Variants in SOX6 observed in about 807,000 individuals in gnomAD.
SOX6 encodes the protein transcription factor SOX-6.
Under a neutral mutation model 97.8 loss-of-function variants are expected in SOX6, and 11 were observed. The observed-to-expected ratio is 0.11, with a 90% CI of 0.07 to 0.19. SOX6 has a LOEUF of 0.19. Among genes scored for constraint, SOX6 ranks in the 10% least tolerant of loss-of-function variants. The pLI is 1.00. For missense variants in SOX6, 810 were observed against 1,039.5 expected, an observed-to-expected ratio of 0.78 and a Z score of 3.04; for synonymous variants, 360 against 371.4, an observed-to-expected ratio of 0.97 and a Z score of 0.35.
At chr11:16,278,360 T>G (rs1458843679) in intron 3 of SOX6, among the ~76,000 whole-genome samples, 11 of 152,150 alleles carry the variant, frequency 7.2e-5, no homozygotes. Flanking sequence ...CATAATTGCC[T>G]AATGAGTTTA....
chr11:16,112,906 T>C (rs1169146263), intron 6 of SOX6, among the ~76,000 whole-genome samples: 1 of 152,158 alleles, frequency 6.6e-6, no homozygotes, highest in African/African-American at 2.4e-5. Flanking sequence ...AAAACTAAGA[T>C]ATACCAAAAG....
chr11:16,092,069 C>A (rs1410156363), intron 9 of SOX6, among the ~76,000 whole-genome samples: 1 of 151,974 alleles, frequency 6.6e-6, no homozygotes, highest in Non-Finnish European at 1.5e-5. Flanking sequence ...GGAGGAATAA[C>A]TGCTGACAGT....
intron 1 of SOX6, among the ~76,000 whole-genome samples, chr11:16,395,989 T>A (rs1397539589): frequency 6.6e-6 from 1 of 151,808 alleles, no homozygotes; most frequent in Non-Finnish European, 1.5e-5. Context: ...CCCTTCCCTC[T>A]TCTTTCTCAG....
At position 16,206,948 on chromosome 11, in the gene SOX6, C is replaced by A. The variant is rs1054072409; in HGVS notation, c.536-19993G>T. On this transcript the variant is annotated intron_variant, in intron 4 of 15. Transcript: ENST00000683767. ...AACTAATAAAGTCCAGACTTTCCAACATGATATACATAGCACTTCATGATT... is the reference window on the plus strand; with the variant it reads ...AACTAATAAAGTCCAGACTTTCCAAAATGATATACATAGCACTTCATGATT... Among the ~76,000 whole-genome samples, 12 of 152,264 alleles carry A rather than the reference C, an allele frequency of 7.9e-5. 1 individual carries two copies. The South Asian group carries it at 2.1e-3, about 26-fold the overall frequency.
rs527445557 is a variant in SOX6 at position 16,124,660 on chromosome 11, G to GCT, written c.778-12739_778-12738dup. On this transcript the variant is annotated intron_variant, in intron 6 of 15. Transcript: ENST00000683767. Reference sequence around the variant, plus strand: ...GAGCATAGAGAGTGGTAGGGGAAAGGCTAGAAAGACAGGTGGAGATCAGGT... The same window carrying GCT: ...GAGCATAGAGAGTGGTAGGGGAAAGGCTCTAGAAAGACAGGTGGAGATCAGGT... Among the ~76,000 whole-genome samples the GCT allele has an allele frequency of 1.4e-4, 21 of 152,164 alleles. No homozygotes were observed. In the East Asian group the frequency reaches 2.9e-3, roughly 21 times the overall value.
intron 4 of SOX6, among the ~76,000 whole-genome samples, chr11:16,219,495 G>A (rs1229312071): frequency 6.6e-6 from 1 of 151,890 alleles, no homozygotes; most frequent in Non-Finnish European, 1.5e-5. Context: ...TTTTAATGCA[G>A]ACATTTGGAT....
At chr11:16,307,918 A>G (rs1192275851) in intron 3 of SOX6, among the ~76,000 whole-genome samples, 2 of 152,182 alleles carry the variant, frequency 1.3e-5, no homozygotes, top group Non-Finnish European at 2.9e-5. Context: ...CTGCACTCCC[A>G]ATGCTAGCGG....
At chr11:16,268,634 C>A (rs1436897781) in intron 3 of SOX6, among the ~76,000 whole-genome samples, 1 of 151,084 alleles carries the variant, frequency 6.6e-6, no homozygotes, top group Non-Finnish European at 1.5e-5. Context: ...TAATTCAACA[C>A]CCCTTTCTTA....
intron 12 of SOX6, among the ~76,000 whole-genome samples, chr11:16,022,201 C>T (rs374890956): frequency 1.3e-5 from 2 of 152,122 alleles, no homozygotes; most frequent in South Asian, 2.1e-4. Context: ...CTTAATGTTG[C>T]TAAGTATCTC....
intron 4 of SOX6, among the ~76,000 whole-genome samples, chr11:16,515,928 C>T (rs1190557009): frequency 6.7e-6 from 1 of 148,722 alleles, no homozygotes; most frequent in Non-Finnish European, 1.5e-5. Context: ...GGTACCAGTA[C>T]CATGCTGTTT....
At chr11:16,084,473 C>A (rs1848536821) in intron 9 of SOX6, among the ~76,000 whole-genome samples, 1 of 151,862 alleles carries the variant, frequency 6.6e-6, no homozygotes, top group Non-Finnish European at 1.5e-5. Flanking sequence ...GAGCATCTAC[C>A]ATGCAGCAGA....
At chr11:16,617,344 G>C (rs1848484382) in intron 3 of SOX6, among the ~76,000 whole-genome samples, 1 of 151,782 alleles carries the variant, frequency 6.6e-6, no homozygotes, top group Non-Finnish European at 1.5e-5. Flanking sequence ...TAGAATAGTA[G>C]GCTTTTGGGG....
intron 1 of SOX6, among the ~76,000 whole-genome samples, chr11:16,343,334 A>G (rs1856690006): frequency 6.6e-6 from 1 of 151,952 alleles, no homozygotes; most frequent in Non-Finnish European, 1.5e-5. Flanking sequence ...GTCATGATCC[A>G]AAAATCAGAG....
rs769093003 is a variant in SOX6, at chr11:16,097,693, C to T, written c.899-5G>A. ...ACTGTACGGGGTAGTTATCACCTGT[C>T]GGAAAGAACAATGCATACAGGTTTA... On this transcript the variant is annotated splice_polypyrimidine_tract_variant and splice_region_variant and intron_variant, in intron 7 of 15. Transcript: ENST00000683767. The T allele has an allele frequency of 6.8e-6, 11 of 1,609,980 alleles. No individual in the cohort carries two copies. The highest frequency in any genetic ancestry group is 3.3e-5 in the South Asian group (3 of 90,974).
chr11:15,988,017 T>C (rs1466785480), intron 14 of SOX6, among the ~76,000 whole-genome samples: 1 of 152,238 alleles, frequency 6.6e-6, no homozygotes, highest in African/African-American at 2.4e-5. Context: ...TATCTGTGCA[T>C]GTCCAGATCA....
rs1855645842 is a variant in SOX6 at position 16,040,949 on chromosome 11, A to T, written c.1623+5565T>A. On this transcript the variant is annotated intron_variant, in intron 12 of 15. Transcript: ENST00000683767. ...AGAGTAGTACACAAATGTTTTTTAA[A>T]CAGTGACTACTGCTCTGCTTTGCAA... Among the ~76,000 whole-genome samples, 3 of 152,246 alleles carry T rather than the reference A, an allele frequency of 2.0e-5. No homozygotes were observed. In the South Asian group the frequency reaches 6.2e-4, roughly 32 times the overall value.
chr11:16,736,890 C>G (rs977138266), intron 1 of SOX6, among the ~76,000 whole-genome samples: 1 of 152,156 alleles, frequency 6.6e-6, no homozygotes, highest in Non-Finnish European at 1.5e-5. Flanking sequence ...ACCACAGAAC[C>G]ATTAAGATGT....
chr11:16,266,201 T>A (rs1035485337), intron 3 of SOX6, among the ~76,000 whole-genome samples: 1 of 151,788 alleles, frequency 6.6e-6, no homozygotes, highest in African/African-American at 2.4e-5. Context: ...CAGGTTATTG[T>A]AGAGGAACTA....
intron 4 of SOX6, among the ~76,000 whole-genome samples, chr11:16,216,191 T>A (rs1379186075): frequency 1.3e-5 from 2 of 152,200 alleles, no homozygotes; most frequent in South Asian, 2.1e-4. Flanking sequence ...CCAAAAAATG[T>A]TAGTCCTTGT....
Sources: gnomAD v4.1 joint callset for allele counts (sites outside exome capture counted in the v4.1 genomes callset) on GRCh38, gnomAD v4.1.1 for gene constraint, MANE v1.5 for transcripts, NCBI Gene and HGNC (gene_info 2026-07-23, HGNC 2026-07-21) for gene names.